The following DIAPH2 variants were observed in gnomAD, a reference collection of about 807,000 sequenced individuals.
DIAPH2 encodes the protein diaphanous related formin 2, also known as protein diaphanous homolog 2.
DIAPH2 carries 35 observed loss-of-function variants against 92.7 expected under a neutral mutation model. The observed-to-expected ratio is 0.38, with a 90% CI of 0.29 to 0.50. DIAPH2 has a LOEUF of 0.50. Ranked by LOEUF, DIAPH2 falls within the 20% of genes least tolerant of loss-of-function variation. The pLI is 0.94. For missense variants in DIAPH2, 701 were observed against 819.5 expected (o/e 0.86, Z 1.77); for synonymous variants, 301 against 280.4 (o/e 1.07, Z -0.73).
At chrX:97,310,856 A>G (rs1042109290) in intron 23 of DIAPH2, among the ~76,000 whole-genome samples, 31 of 111,108 alleles carry the variant, frequency 2.8e-4, no homozygotes, top group Non-Finnish European at 1.9e-4. Flanking sequence ...CAAAAAATAT[A>G]AAAATTAGCC....
At position 97,301,400 on chromosome X, in the gene DIAPH2, C is replaced by G. The variant is rs191767528; in HGVS notation, c.2845-46716C>G. 3.0e-4 allele frequency among the ~76,000 whole-genome samples: 33 copies of G among 110,868 alleles called. 2 individuals are homozygous for G. Among genetic ancestry groups the G allele is most frequent in the African/African-American group, 9.6e-4 (29 of 30,294 alleles). ...TATATAACATATCTTAGGTTATAAA[C>G]TGTTTGTTTATAACAACAAATAAAG... On this transcript the variant is annotated intron_variant, in intron 23 of 26. Coordinates refer to ENST00000324765, the MANE Select transcript of DIAPH2 (RefSeq NM_006729.5).
At chrX:97,552,776 A>G (rs1469968424) in intron 26 of DIAPH2, among the ~76,000 whole-genome samples, 1 of 112,036 alleles carries the variant, frequency 8.9e-6, no homozygotes, top group Non-Finnish European at 1.9e-5. Context: ...AGTTATTACT[A>G]CGTGTATTAG....
At chrX:96,732,899 G>A (rs921606316) in intron 1 of DIAPH2, among the ~76,000 whole-genome samples, 50 of 111,995 alleles carry the variant, frequency 4.5e-4, no homozygotes, top group African/African-American at 1.6e-3. Context: ...ATTGGGAAGA[G>A]GATTTTAATT....
chrX:97,363,613 C>A, intron 24 of DIAPH2, among the ~76,000 whole-genome samples: 1 of 101,377 alleles, frequency 9.9e-6, no homozygotes, highest in Non-Finnish European at 2.0e-5. Context: ...TTGCTGTGAG[C>A]CGATATCACG....
intron 23 of DIAPH2, among the ~76,000 whole-genome samples, chrX:97,293,502 T>A (rs908094613): frequency 1.8e-5 from 2 of 111,021 alleles, no homozygotes; most frequent in East Asian, 5.7e-4. Flanking sequence ...CTGCCCACCT[T>A]GGCCTCCCAA....
intron 1 of DIAPH2, among the ~76,000 whole-genome samples, chrX:96,735,376 G>A (rs1009104840): frequency 5.4e-5 from 6 of 111,016 alleles, no homozygotes; most frequent in African/African-American, 2.0e-4. Flanking sequence ...CCTATTGTAC[G>A]TGGTGTTGTT....
intron 26 of DIAPH2, among the ~76,000 whole-genome samples, chrX:97,440,621 A>G (rs1160226377): frequency 9.5e-6 from 1 of 105,588 alleles, no homozygotes; most frequent in Non-Finnish European, 1.9e-5. Flanking sequence ...AAAAAGAAAG[A>G]GAGAGTGTGA....
At chrX:96,901,867 G>T (rs939906563) in intron 5 of DIAPH2, among the ~76,000 whole-genome samples, 1 of 110,863 alleles carries the variant, frequency 9.0e-6, no homozygotes, top group African/African-American at 3.3e-5. Context: ...GTTACTTGAG[G>T]TGTGACATTA....
intron 26 of DIAPH2, among the ~76,000 whole-genome samples, chrX:97,532,065 C>T (rs188139383): frequency 8.9e-6 from 1 of 112,644 alleles, no homozygotes; most frequent in African/African-American, 3.2e-5. Flanking sequence ...AGAGCTTCCA[C>T]GATGATTAGA....
rs189780128 is a variant in DIAPH2 at position 96,916,623 on chromosome X, A to G, written c.869+49A>G. ...TTTGCTGCATGGAAAATGACACTTA[A>G]GAAATTAATAAGTCCTACTTTTGTT... On this transcript the variant is annotated intron_variant, in intron 8 of 26. Coordinates refer to ENST00000324765, the MANE Select transcript of DIAPH2 (RefSeq NM_006729.5). 5.5e-5 allele frequency: 60 copies of G among 1,097,821 alleles called. No homozygotes were observed. The African/African-American group carries it at 1.0e-3, about 19-fold the overall frequency. The allele number at this position is 1,097,821 out of a possible 1,213,427, so 90.5% of individuals were successfully genotyped here. A position where few individuals can be genotyped will look rare whatever the true frequency, so the allele number is the denominator to read the frequency against.
chrX:96,740,047 G>A (rs1272507327), intron 3 of DIAPH2, among the ~76,000 whole-genome samples: 2 of 111,701 alleles, frequency 1.8e-5, no homozygotes, highest in Non-Finnish European at 3.8e-5. Flanking sequence ...TATATATTTA[G>A]CTAATTATAG....
At chrX:97,029,430 T>G (rs2147877289) in intron 17 of DIAPH2, among the ~76,000 whole-genome samples, 1 of 111,487 alleles carries the variant, frequency 9.0e-6, no homozygotes, top group Admixed American at 9.5e-5. Context: ...TTTAATGGGG[T>G]CATCATTTTA....
At chrX:96,739,186 G>T (rs1453796291) in intron 3 of DIAPH2, among the ~76,000 whole-genome samples, 2 of 111,393 alleles carry the variant, frequency 1.8e-5, no homozygotes, top group African/African-American at 6.5e-5. Flanking sequence ...AAGGGACAGA[G>T]AAATTAATTC....
At chrX:97,204,752 T>G (rs774450206) in intron 22 of DIAPH2, among the ~76,000 whole-genome samples, 1 of 111,832 alleles carries the variant, frequency 8.9e-6, no homozygotes, top group Non-Finnish European at 1.9e-5. Flanking sequence ...CTGCCCAAAG[T>G]AATGTATGGA....
intron 4 of DIAPH2, among the ~76,000 whole-genome samples, chrX:96,803,678 C>A (rs1226393835): frequency 8.9e-6 from 1 of 112,030 alleles, no homozygotes; most frequent in African/African-American, 3.2e-5. Flanking sequence ...ATCCAAAGTC[C>A]TTTTTTCAAA....
chrX:97,300,242 T>C (rs928537041), intron 23 of DIAPH2, among the ~76,000 whole-genome samples: 4 of 111,791 alleles, frequency 3.6e-5, no homozygotes, highest in African/African-American at 1.3e-4. Flanking sequence ...ACTTTTCCTG[T>C]AGCAATTCAT....
In DIAPH2 at chrX:96,912,497, A is replaced by T. The variant is rs370250040; in HGVS notation, c.677A>T (p.Asp226Val). The T allele has an allele frequency of 4.0e-5, 48 of 1,201,948 alleles. No individual in the cohort carries two copies. In the African/African-American group the frequency reaches 7.2e-4, roughly 18 times the overall value. Residue 226 changes from aspartate to valine, a missense_variant, in exon 7 of 27, where the codon GAC becomes GTC. By Grantham distance (152) the Asp-to-Val change is radical. Transcript: ENST00000324765. ...LLDKKQQENI[D>V]KKNQYKLIQC... ...CTTTTATTTAGGCAAGAAAATATTG[A>T]CAAGAAGAATCAGTATAAACTTATT... is the stretch of plus-strand genomic sequence containing the variant.
At position 96,957,886 on chromosome X, in the gene DIAPH2, C is replaced by T; in HGVS notation, c.1673C>T (p.Pro558Leu). The change falls in exon 16 of 27, where the codon CCA becomes CTA. Residue 558 changes from proline to leucine, a missense_variant. Physicochemically the swap from Pro to Leu is moderately conservative, Grantham distance 98 (BLOSUM62 -3). Around this residue, in one of 3 missense-constraint regions of DIAPH2, gnomAD observed 536 missense variants for 599.3 expected, o/e 0.89. Transcript: ENST00000324765. The stretch of plus-strand genomic sequence containing the variant: ...GGTCCTCCTGCAGCACCTCCATTGC[C>T]AGGTGTAGGGCCGCCTCCACCACCA... ...IPGPPAAPPL[P>L]GVGPPPPPPA... The T allele has an allele frequency of 8.3e-7, 1 of 1,211,119 alleles. No individual in the cohort carries two copies. The highest frequency in any genetic ancestry group is 3.0e-5 in the East Asian group (1 of 33,808).
chrX:97,430,419 C>T (rs1309357080), intron 26 of DIAPH2, among the ~76,000 whole-genome samples: 1 of 112,237 alleles, frequency 8.9e-6, no homozygotes, highest in African/African-American at 3.2e-5. Flanking sequence ...TGTAATAGCT[C>T]CTCTAAGGAT....
Sources: gnomAD v4.1 joint callset for allele counts (sites outside exome capture counted in the v4.1 genomes callset) on GRCh38, gnomAD v4.1.1 for gene constraint, gnomAD v4.1.1 regional missense constraint, MANE v1.5 for transcripts, NCBI Gene and HGNC (gene_info 2026-07-23, HGNC 2026-07-21) for gene names.